Variants in KPNA1 observed in about 807,000 individuals in gnomAD.
KPNA1 encodes importin subunit alpha-5.
A neutral mutation model predicts 70.5 loss-of-function variants in KPNA1; 10 were observed. The observed-to-expected ratio is 0.14, with a 90% CI of 0.09 to 0.24. The LOEUF (loss-of-function observed/expected upper bound fraction) is 0.24. Ranked by LOEUF, KPNA1 falls within the 10% of genes least tolerant of loss-of-function variation. The pLI is 1.00. For synonymous variants in KPNA1, 192 were observed against 221.9 expected (o/e 0.87, Z 1.20); for missense variants, 397 against 637.9 (o/e 0.62, Z 4.07).
chr3:122,514,721 G>C (rs1341062810), intron 1 of KPNA1, 36 bp downstream of exon 1: 5 of 152,650 alleles, frequency 3.3e-5, no homozygotes, highest in Admixed American at 6.5e-5. Flanking sequence ...CCGGCGGGAG[G>C]GGGAGGGGCC....
In KPNA1 at chr3:122,500,653, T is replaced by TA. The variant is rs554018100; in HGVS notation, c.-5-4084_-5-4083insT. Among the ~76,000 whole-genome samples the TA allele has an allele frequency of 7.0e-4, 107 of 151,898 alleles. 1 individual carries two copies. The South Asian group carries it at 0.021, about 30-fold the overall frequency. The stretch of plus-strand genomic sequence containing the variant: ...CTGGGACTACAGGTGCATGCCCAGA[T>TA]TATTATTATATATTGGGCTGGGGGG... On this transcript the variant is annotated intron_variant, in intron 1 of 13. Transcript: ENST00000344337.
At chr3:122,434,288 G>C (rs1290965479) in intron 11 of KPNA1, among the ~76,000 whole-genome samples, 2 of 152,176 alleles carry the variant, frequency 1.3e-5, no homozygotes, top group Non-Finnish European at 2.9e-5. Context: ...CTTCCCTGGA[G>C]TTTATGATCT....
chr3:122,512,196 T>C (rs1382704652), intron 1 of KPNA1, among the ~76,000 whole-genome samples: 2 of 150,390 alleles, frequency 1.3e-5, no homozygotes, highest in Non-Finnish European at 2.9e-5. Context: ...AATAATCTAA[T>C]AAAACCAATC....
chr3:122,504,397 C>T (rs1038214347), intron 1 of KPNA1, among the ~76,000 whole-genome samples: 2 of 152,158 alleles, frequency 1.3e-5, no homozygotes, highest in African/African-American at 4.8e-5. Flanking sequence ...GCTCCATTTT[C>T]ATCACCCAAA....
chr3:122,427,776 T>C, intron 12 of KPNA1, 60 bp from the exon 13 acceptor site: 1 of 1,199,060 alleles, frequency 8.3e-7, no homozygotes, highest in Non-Finnish European at 1.1e-6. Context: ...CTTATGAAAT[T>C]AGTGAGCAAG....
intron 1 of KPNA1, among the ~76,000 whole-genome samples, chr3:122,513,079 G>T (rs2076973186): frequency 6.6e-6 from 1 of 152,166 alleles, no homozygotes; most frequent in Admixed American, 6.5e-5. Context: ...TGATTGAACG[G>T]ATTAAATAAA....
intron 10 of KPNA1, among the ~76,000 whole-genome samples, chr3:122,440,033 A>T (rs1202529267): frequency 1.3e-5 from 2 of 152,200 alleles, no homozygotes; most frequent in Non-Finnish European, 2.9e-5. Flanking sequence ...TAGGACTGAA[A>T]CTTGAGATAG....
intron 2 of KPNA1, among the ~76,000 whole-genome samples, chr3:122,482,152 A>G (rs1036320622): frequency 6.6e-6 from 1 of 152,294 alleles, no homozygotes; most frequent in African/African-American, 2.4e-5. Flanking sequence ...AATAGCTACT[A>G]CACGCCTAGG....
chr3:122,474,454 C>T (rs1447486969), intron 2 of KPNA1, among the ~76,000 whole-genome samples: 3 of 152,114 alleles, frequency 2.0e-5, no homozygotes, highest in Non-Finnish European at 4.4e-5. Flanking sequence ...GTAAGCAAGA[C>T]AGCATGGTAT....
At chr3:122,440,269 T>C (rs1161812482) in intron 10 of KPNA1, among the ~76,000 whole-genome samples, 1 of 151,610 alleles carries the variant, frequency 6.6e-6, no homozygotes, top group East Asian at 1.9e-4. Flanking sequence ...GAGTTTAGGG[T>C]CAAACAGGGC....
intron 5 of KPNA1, chr3:122,459,818 G>A (rs1240630600): frequency 1.0e-5 from 10 of 985,164 alleles, no homozygotes; most frequent in Admixed American, 6.1e-5. Context: ...ACTCATCACC[G>A]CAACAAAGAG....
intron 2 of KPNA1, among the ~76,000 whole-genome samples, chr3:122,492,605 A>T (rs2076712790): frequency 6.6e-6 from 1 of 152,220 alleles, no homozygotes; most frequent in African/African-American, 2.4e-5. Flanking sequence ...TACATGTCTC[A>T]ATTTGAATTA....
intron 6 of KPNA1, 34 bp from the exon 7 acceptor site, chr3:122,452,098 T>G (rs763121585): frequency 3.7e-6 from 5 of 1,359,976 alleles, no homozygotes; most frequent in Admixed American, 1.7e-5. Context: ...AAAGGTTACA[T>G]AGTTTAATTC....
chr3:122,431,533 A>G (rs1441581068), intron 12 of KPNA1, among the ~76,000 whole-genome samples: 2 of 152,144 alleles, frequency 1.3e-5, no homozygotes, highest in Non-Finnish European at 1.5e-5. Flanking sequence ...CAGAAGCCAG[A>G]TAGATGTCTT....
chr3:122,454,468 AG>A (rs2076244385), intron 5 of KPNA1, among the ~76,000 whole-genome samples: 1 of 152,246 alleles, frequency 6.6e-6, no homozygotes, highest in African/African-American at 2.4e-5. Context: ...CTAGGGAATA[AG>A]GATGAAAAAG....
intron 2 of KPNA1, among the ~76,000 whole-genome samples, chr3:122,480,382 G>A (rs2076557344): frequency 6.6e-6 from 1 of 151,980 alleles, no homozygotes; most frequent in South Asian, 2.1e-4. Context: ...TGGGGGCAGA[G>A]AGCATATAAG....
intron 2 of KPNA1, among the ~76,000 whole-genome samples, chr3:122,475,335 A>T (rs1441259024): frequency 3.3e-5 from 5 of 152,192 alleles, no homozygotes; most frequent in Non-Finnish European, 5.9e-5. Flanking sequence ...AAAACTACAT[A>T]AAACACAGAT....
chr3:122,430,559 C>CTGTGTGTGTGTG (rs113921259), intron 12 of KPNA1, among the ~76,000 whole-genome samples: 3 of 145,004 alleles, frequency 2.1e-5, no homozygotes, highest in East Asian at 2.0e-4. Context: ...CTCAAATAAA[C>CTGTGTGTGTGTG]TGTGTGTGTG....
chr3:122,502,918 C>T (rs142723021), intron 1 of KPNA1, among the ~76,000 whole-genome samples: 7 of 151,872 alleles, frequency 4.6e-5, no homozygotes, highest in African/African-American at 1.2e-4. Context: ...AGTTTTGTAG[C>T]GACCCTGTCT....
Sources: gnomAD v4.1 joint callset for allele counts (sites outside exome capture counted in the v4.1 genomes callset) on GRCh38, gnomAD v4.1.1 for gene constraint, MANE v1.5 for transcripts, NCBI Gene and HGNC (gene_info 2026-07-23, HGNC 2026-07-21) for gene names.